Variants in SLC45A4 observed in about 807,000 individuals in gnomAD.
The protein encoded by SLC45A4 is polyamine-transporter SLC45A4.
A neutral mutation model predicts 63.7 loss-of-function variants in SLC45A4; 32 were observed. The observed-to-expected ratio is 0.50, with a 90% CI of 0.38 to 0.67. SLC45A4 has a LOEUF of 0.67. SLC45A4 is among the 30% of genes least tolerant of loss of function. The pLI is 0.00. For synonymous variants in SLC45A4, 535 were observed against 510.0 expected, an observed-to-expected ratio of 1.05 and a Z score of -0.66; for missense variants, 1,027 against 1,157.7, an observed-to-expected ratio of 0.89 and a Z score of 1.64.
At chr8:141,285,121 G>T (rs60467666) in intron 1 of SLC45A4, among the ~76,000 whole-genome samples, 11,671 of 152,210 alleles carry the variant, frequency 0.077, 853 homozygotes, top group East Asian at 0.41. Flanking sequence ...CCTCTCCAGC[G>T]GCCCAGCGGG....
intron 2 of SLC45A4, among the ~76,000 whole-genome samples, chr8:141,233,011 G>C (rs75130436): frequency 0.081 from 12,266 of 152,310 alleles, 625 homozygotes; most frequent in East Asian, 0.24. Flanking sequence ...CGGCACCTCT[G>C]CCCCGCAGGT....
chr8:141,217,525 C>T (rs1325055766), intron 5 of SLC45A4, among the ~76,000 whole-genome samples: 1 of 152,222 alleles, frequency 6.6e-6, no homozygotes, highest in East Asian at 1.9e-4. Flanking sequence ...CTGCATGGAG[C>T]AGCTCAGACT....
chr8:141,279,458 AC>A (rs1362550892), intron 1 of SLC45A4, among the ~76,000 whole-genome samples: 2 of 152,208 alleles, frequency 1.3e-5, no homozygotes, highest in Non-Finnish European at 2.9e-5. Context: ...CCCCATTCTT[AC>A]GTCTGTCACT....
chr8:141,223,908 A>T (rs1826815515), intron 2 of SLC45A4, among the ~76,000 whole-genome samples: 1 of 151,776 alleles, frequency 6.6e-6, no homozygotes, highest in South Asian at 2.1e-4. Flanking sequence ...CCTGAACCAA[A>T]CCACTTTACC....
intron 1 of SLC45A4, among the ~76,000 whole-genome samples, chr8:141,287,789 C>T (rs907718587): frequency 2.0e-5 from 3 of 152,314 alleles, no homozygotes; most frequent in African/African-American, 7.2e-5. Context: ...CATCTGCAGA[C>T]GGGCCTCAGT....
At chr8:141,234,062 C>T (rs1418976431) in intron 2 of SLC45A4, among the ~76,000 whole-genome samples, 1 of 152,256 alleles carries the variant, frequency 6.6e-6, no homozygotes, top group Non-Finnish European at 1.5e-5. Flanking sequence ...CTGAACAGCT[C>T]ACTGTTGGCA....
chr8:141,217,859 G>C (rs751744363), intron 5 of SLC45A4, 152 bp downstream of exon 5: 21 of 984,890 alleles, frequency 2.1e-5, no homozygotes, highest in Non-Finnish European at 2.9e-5. Context: ...CCAGCTGCCT[G>C]CCGCGGGTCC....
intron 1 of SLC45A4, among the ~76,000 whole-genome samples, chr8:141,264,519 T>C (rs1829179893): frequency 6.6e-6 from 1 of 152,156 alleles, no homozygotes; most frequent in Non-Finnish European, 1.5e-5. Context: ...CTCTCATGTT[T>C]ATTGCCAAGA....
At chr8:141,297,127 G>C (rs1181694093) in intron 1 of SLC45A4, among the ~76,000 whole-genome samples, 1 of 152,234 alleles carries the variant, frequency 6.6e-6, no homozygotes, top group African/African-American at 2.4e-5. Context: ...GGCCTTGGGA[G>C]GAGGGTCAGA....
At chr8:141,306,712 T>C (rs192360093) in intron 1 of SLC45A4, among the ~76,000 whole-genome samples, 1 of 152,334 alleles carries the variant, frequency 6.6e-6, no homozygotes, top group Admixed American at 6.5e-5. Flanking sequence ...TCTACCTGTC[T>C]GCCAATGACA....
At chr8:141,281,647 A>G (rs540703285) in intron 1 of SLC45A4, among the ~76,000 whole-genome samples, 12 of 152,362 alleles carry the variant, frequency 7.9e-5, no homozygotes, top group South Asian at 6.2e-4. Context: ...GTGTTTGCAC[A>G]TACACAGACT....
At chr8:141,252,314 G>C (rs10108156) in intron 2 of SLC45A4, 1 of 153,976 alleles carries the variant, frequency 6.5e-6, no homozygotes, top group East Asian at 1.9e-4. Context: ...ATCTGGAAGA[G>C]ACACCACATC....
In SLC45A4 at chr8:141,218,387, G is replaced by A. The variant is rs376478597; in HGVS notation, c.1253C>T (p.Ala418Val). 1.5e-5 allele frequency: 24 copies of A among 1,608,276 alleles called. No homozygotes were observed. The highest frequency in any genetic ancestry group is 1.6e-4 in the Middle Eastern group (1 of 6,080). Reference sequence around the variant, plus strand: ...GGTGCTGGAGGCCTGCCTGCGGAACGCGTGCCGCCGCCGCCGCATGGAGCT... The same window carrying A: ...GGTGCTGGAGGCCTGCCTGCGGAACACGTGCCGCCGCCGCCGCATGGAGCT... ...TSSSMRRRRH[A>V]FRRQASSTFS... Residue 418 changes from alanine to valine, a missense_variant, in exon 5 of 9, where the codon GCG (alanine) becomes GTG (valine). Ala to Val is a moderately conservative substitution (Grantham distance 64). Coordinates refer to ENST00000517878, the MANE Select transcript of SLC45A4 (RefSeq NM_001286646.2).
chr8:141,281,042 G>A (rs1237003442), intron 1 of SLC45A4, among the ~76,000 whole-genome samples: 1 of 152,238 alleles, frequency 6.6e-6, no homozygotes, highest in African/African-American at 2.4e-5. Context: ...GACTTTAAAA[G>A]TCTGAATCAG....
intron 2 of SLC45A4, chr8:141,230,054 G>C (rs1027484514): frequency 2.0e-5 from 9 of 456,146 alleles, no homozygotes; most frequent in Admixed American, 1.2e-4. Context: ...ACGATGATAA[G>C]AAAGTTCTCT....
chr8:141,263,222 G>A (rs1163860516), intron 1 of SLC45A4, among the ~76,000 whole-genome samples: 1 of 120,924 alleles, frequency 8.3e-6, no homozygotes, highest in Non-Finnish European at 1.7e-5. Context: ...TGTGGGGTGG[G>A]GGGAGGGGGG....
intron 1 of SLC45A4, among the ~76,000 whole-genome samples, chr8:141,269,046 C>A (rs1374359670): frequency 1.3e-5 from 2 of 152,232 alleles, no homozygotes; most frequent in Non-Finnish European, 2.9e-5. Context: ...TGGGGCTCCA[C>A]CCCAGACCCA....
Position 141,218,628 on chromosome 8 carries a change from C to A in SLC45A4, c.1012G>T (p.Ala338Ser). 1.2e-6 allele frequency: 2 copies of A among 1,613,270 alleles called. No homozygotes were observed. Among genetic ancestry groups the A allele is most frequent in the East Asian group, 4.5e-5 (2 of 44,866 alleles). The change falls in exon 5 of 9, where the codon GCC (alanine) becomes TCC (serine). Residue 338 changes from alanine (A) to serine (S), a missense_variant. By Grantham distance (99) the Ala-to-Ser change is moderately conservative. Coordinates refer to ENST00000517878, the MANE Select transcript of SLC45A4 (RefSeq NM_001286646.2). Reference protein sequence around the residue: ...HDIEPSIFHDASYPATPRSTS... With the variant: ...HDIEPSIFHDSSYPATPRSTS... ...CTGCGGGGGGTGGCGGGGTAGGAGGCGTCGTGGAAGATGGAGGGCTCGATG... is the reference window on the plus strand; with the variant it reads ...CTGCGGGGGGTGGCGGGGTAGGAGGAGTCGTGGAAGATGGAGGGCTCGATG...
At position 141,212,270 on chromosome 8, in the gene SLC45A4, T is replaced by C; in HGVS notation, c.2228A>G (p.Asn743Ser). ...PLAGEGRAGG[N>S]SEKPTVLKLT... ...CTTCAGCACGGTGGGCTTTTCGCTG[T>C]TCCCACCGGCCCTGCCTTCGCCGGC... Residue 743 changes from asparagine (N) to serine (S), a missense_variant, in exon 8 of 9, where the codon AAC (asparagine) becomes AGC (serine). Asn to Ser is a conservative substitution (Grantham distance 46, BLOSUM62 1). Transcript: ENST00000517878. 6.3e-7 allele frequency: 1 copy of C among 1,599,038 alleles called. No individual in the cohort carries two copies. Among genetic ancestry groups the C allele is most frequent in the Non-Finnish European group, 8.5e-7 (1 of 1,171,548 alleles).
Sources: gnomAD v4.1 joint callset for allele counts (sites outside exome capture counted in the v4.1 genomes callset) on GRCh38, gnomAD v4.1.1 for gene constraint, MANE v1.5 for transcripts, NCBI Gene and HGNC (gene_info 2026-07-23, HGNC 2026-07-21) for gene names.